Variants in PTPRT observed in about 807,000 individuals in gnomAD.
PTPRT encodes the protein receptor-type tyrosine-protein phosphatase T.
Under a neutral mutation model 176.8 loss-of-function variants are expected in PTPRT, and 56 were observed. That is an observed-to-expected ratio of 0.32 (90% CI 0.26 to 0.40). The LOEUF is 0.40. Among genes scored for constraint, PTPRT ranks in the 10% least tolerant of loss-of-function variants. The pLI is 1.00. For missense variants in PTPRT, 1,540 were observed against 1,908.2 expected (o/e 0.81, Z 3.60); for synonymous variants, 783 against 739.0 (o/e 1.06, Z -0.96).
intron 7 of PTPRT, among the ~76,000 whole-genome samples, chr20:42,492,335 A>C (rs1353449963): frequency 2.6e-5 from 4 of 152,200 alleles, no homozygotes; most frequent in African/African-American, 9.6e-5. Flanking sequence ...GTTTCTTTGC[A>C]TCCTCGCTAT....
At chr20:42,824,315 T>C (rs975099573) in intron 2 of PTPRT, among the ~76,000 whole-genome samples, 2 of 152,210 alleles carry the variant, frequency 1.3e-5, no homozygotes, top group South Asian at 2.1e-4. Flanking sequence ...TCTTTTGTTT[T>C]GTTTTGTTTT....
At chr20:42,546,491 A>C (rs1313634105) in intron 7 of PTPRT, among the ~76,000 whole-genome samples, 1 of 150,554 alleles carries the variant, frequency 6.6e-6, no homozygotes, top group Admixed American at 6.6e-5. Context: ...AAAAAAAAAC[A>C]AGAAAGAAAG....
At chr20:42,339,340 G>A (rs771502879) in intron 11 of PTPRT, among the ~76,000 whole-genome samples, 7 of 152,272 alleles carry the variant, frequency 4.6e-5, no homozygotes, top group Admixed American at 1.3e-4. Flanking sequence ...TAGCCCCCAC[G>A]TGGACAGGGA....
chr20:42,682,238 T>C (rs965239405), intron 6 of PTPRT, among the ~76,000 whole-genome samples: 11 of 152,182 alleles, frequency 7.2e-5, no homozygotes, highest in Non-Finnish European at 1.5e-4. Flanking sequence ...CTGTGAACTT[T>C]AAACAGAAGT....
chr20:43,027,814 G>A (rs1985977272), intron 1 of PTPRT, among the ~76,000 whole-genome samples: 1 of 152,122 alleles, frequency 6.6e-6, no homozygotes, highest in Non-Finnish European at 1.5e-5. Context: ...TACCTACACA[G>A]CACCGACAGC....
At chr20:42,630,606 A>G (rs1325868032) in intron 7 of PTPRT, among the ~76,000 whole-genome samples, 1 of 152,180 alleles carries the variant, frequency 6.6e-6, no homozygotes, top group Non-Finnish European at 1.5e-5. Context: ...GAAGGTAAAG[A>G]CAATTTTTAA....
intron 1 of PTPRT, among the ~76,000 whole-genome samples, chr20:43,073,936 T>C (rs2011217923): frequency 6.6e-6 from 1 of 152,134 alleles, no homozygotes; most frequent in Non-Finnish European, 1.5e-5. Flanking sequence ...AATTATTTTG[T>C]AGAGACAGGG....
At chr20:43,109,076 A>T (rs1053092304) in intron 1 of PTPRT, among the ~76,000 whole-genome samples, 5 of 150,514 alleles carry the variant, frequency 3.3e-5, no homozygotes, top group Non-Finnish European at 7.4e-5. Flanking sequence ...CCCATTTTCT[A>T]TTTTTTTTTC....
chr20:43,046,543 CAA>C (rs3092687), intron 1 of PTPRT, among the ~76,000 whole-genome samples: 3,547 of 140,544 alleles, frequency 0.025, 158 homozygotes, highest in African/African-American at 0.086. Context: ...GTCTCTGTCT[CAA>C]AAAAAAAAAA....
chr20:42,661,526 C>T (rs2075222553), intron 7 of PTPRT, among the ~76,000 whole-genome samples: 1 of 152,030 alleles, frequency 6.6e-6, no homozygotes, highest in South Asian at 2.1e-4. Context: ...GCAGCCACCA[C>T]CAGAGTAGTT....
chr20:42,663,626 A>T (rs1407245917), intron 7 of PTPRT, among the ~76,000 whole-genome samples: 1 of 152,156 alleles, frequency 6.6e-6, no homozygotes, highest in Non-Finnish European at 1.5e-5. Context: ...GTTCTGGTCA[A>T]TACTTCATAG....
At chr20:42,198,203 C>G (rs1380937019) in intron 16 of PTPRT, among the ~76,000 whole-genome samples, 1 of 152,174 alleles carries the variant, frequency 6.6e-6, no homozygotes, top group Non-Finnish European at 1.5e-5. Flanking sequence ...TGGCCAAACA[C>G]ACTTAGCATT....
chr20:42,942,723 A>C (rs1253217911), intron 1 of PTPRT, among the ~76,000 whole-genome samples: 1 of 152,198 alleles, frequency 6.6e-6, no homozygotes, highest in African/African-American at 2.4e-5. Context: ...ACCTTTAGCA[A>C]GCGGCCAACT....
chr20:42,240,153 G>A (rs2056324651), intron 14 of PTPRT, among the ~76,000 whole-genome samples: 1 of 152,040 alleles, frequency 6.6e-6, no homozygotes, highest in South Asian at 2.1e-4. Flanking sequence ...AGTTATCCTG[G>A]GTGTCACCAA....
At chr20:42,315,651 C>T (rs2057710004) in intron 12 of PTPRT, 72 bp downstream of exon 12, 1 of 1,536,922 alleles carries the variant, frequency 6.5e-7, no homozygotes, top group Admixed American at 1.7e-5. Context: ...CTCTAGAGCC[C>T]TGCTGACTTA....
chr20:42,593,362 C>T (rs892030196), intron 7 of PTPRT, among the ~76,000 whole-genome samples: 1 of 152,170 alleles, frequency 6.6e-6, no homozygotes, highest in Non-Finnish European at 1.5e-5. Flanking sequence ...TCCTATTTCA[C>T]CTCCCTGAAG....
At chr20:42,174,267 C>G (rs1315675270) in intron 16 of PTPRT, among the ~76,000 whole-genome samples, 1 of 152,080 alleles carries the variant, frequency 6.6e-6, no homozygotes, top group East Asian at 1.9e-4. Context: ...AAAGGTAAAT[C>G]ACACAGTTTT....
At chr20:43,033,013 G>A (rs1292626877) in intron 1 of PTPRT, among the ~76,000 whole-genome samples, 1 of 152,202 alleles carries the variant, frequency 6.6e-6, no homozygotes, top group Non-Finnish European at 1.5e-5. Context: ...GTCTCTAGCA[G>A]TGTGTGTGTC....
At chr20:42,164,691 A>C (rs1989752892) in intron 16 of PTPRT, among the ~76,000 whole-genome samples, 1 of 152,210 alleles carries the variant, frequency 6.6e-6, no homozygotes, top group African/African-American at 2.4e-5. Context: ...TCTCTCAGGA[A>C]CCTACAAGTA....
Sources: gnomAD v4.1 joint callset for allele counts (sites outside exome capture counted in the v4.1 genomes callset) on GRCh38, gnomAD v4.1.1 for gene constraint, MANE v1.5 for transcripts, NCBI Gene and HGNC (gene_info 2026-07-23, HGNC 2026-07-21) for gene names.